The following TVP23A variants were observed in gnomAD, a reference collection of about 807,000 sequenced individuals.
TVP23A encodes Golgi apparatus membrane protein TVP23 homolog A.
Under a neutral mutation model 31.7 loss-of-function variants are expected in TVP23A, and 21 were observed. The ratio of observed to expected loss-of-function variants is 0.66; its 90% confidence interval spans 0.47 to 0.95. The LOEUF (loss-of-function observed/expected upper bound fraction) is 0.95. TVP23A is among the 40% of genes least tolerant of loss of function. The pLI is 0.00. For missense variants in TVP23A, 279 were observed against 255.6 expected, an observed-to-expected ratio of 1.09 and a Z score of -0.62; for synonymous variants, 104 against 96.0, an observed-to-expected ratio of 1.08 and a Z score of -0.49.
At chr16:10,759,642 G>A (rs146883550), downstream of TVP23A, among the ~76,000 whole-genome samples, 2,296 of 152,272 alleles carry the variant, frequency 0.015, 78 homozygotes, top group African/African-American at 0.052. This position sits in a 1 kb window ranked among gnomAD's most constrained non-coding sequence, Gnocchi z 4.7. Flanking sequence ...CAGGCGTGGT[G>A]GTGGGCACCT....
At chr16:10,778,024 T>C (rs563244243) in intron 2 of TVP23A, among the ~76,000 whole-genome samples, 38 of 149,176 alleles carry the variant, frequency 2.5e-4, no homozygotes, top group African/African-American at 8.9e-4. Flanking sequence ...AAAATAAAAA[T>C]AAAAATAAAA....
intron 2 of TVP23A, among the ~76,000 whole-genome samples, chr16:10,785,769 G>GT (rs939427517): frequency 1.3e-5 from 2 of 152,194 alleles, no homozygotes; most frequent in Non-Finnish European, 2.9e-5. Context: ...TCAGATCTAT[G>GT]TGATTGTACT....
Position 10,818,589 on chromosome 16 carries a change from A to G in TVP23A, c.-96T>C. 1 of 1,467,366 alleles carries G rather than the reference A, an allele frequency of 6.8e-7. No homozygotes were observed. The highest frequency in any genetic ancestry group is 1.3e-5 in the South Asian group (1 of 79,142). 90.9% of individuals were successfully genotyped at this position (1,467,366 alleles called of 1,614,324 possible). A position where few individuals can be genotyped will look rare whatever the true frequency, so the allele number is the denominator to read the frequency against. The stretch of plus-strand genomic sequence containing the variant: ...GGACGCCGGGCGGGCGGATGTAGGC[A>G]GCAGACGGTGGACGCTGAGGGTCGG... On this transcript the variant is annotated 5_prime_UTR_variant, in exon 1 of 8. Coordinates refer to ENST00000299866, the MANE Select transcript of TVP23A (RefSeq NM_001079512.4). The surrounding 1 kb of genome is among the most constrained non-coding windows in gnomAD (Gnocchi z 4.7).
At chr16:10,798,449 G>C (rs756548510) in intron 2 of TVP23A, among the ~76,000 whole-genome samples, 1 of 152,126 alleles carries the variant, frequency 6.6e-6, no homozygotes, top group African/African-American at 2.4e-5. Context: ...ATACCCATGC[G>C]TTTGTTCCTT....
intron 2 of TVP23A, among the ~76,000 whole-genome samples, chr16:10,809,847 G>A (rs780299534): frequency 2.0e-5 from 3 of 152,146 alleles, no homozygotes; most frequent in Non-Finnish European, 4.4e-5. Flanking sequence ...GGCTAAAACA[G>A]AGTTACCATG....
intron 2 of TVP23A, among the ~76,000 whole-genome samples, chr16:10,813,316 A>G (rs914908164): frequency 6.6e-6 from 1 of 152,220 alleles, no homozygotes; most frequent in Non-Finnish European, 1.5e-5. Flanking sequence ...GATGAACCCA[A>G]TGTCCCAGAC....
In TVP23A at chr16:10,790,307, C is replaced by CG. The variant is rs2033031306; in HGVS notation, c.90-15212dup. Among the ~76,000 whole-genome samples the CG allele has an allele frequency of 5.5e-5, 6 of 109,686 alleles. No homozygotes were observed. The South Asian group carries it at 1.8e-3, about 33-fold the overall frequency. 72.0% of individuals were successfully genotyped at this position (109,686 alleles called of 152,430 possible). ...TTTTTTTTTTTTTTTTTTTTTGAGA[C>CG]GGAGTCTCGCACTGTCGCCCAGGCT... On this transcript the variant is annotated intron_variant, in intron 2 of 7. Coordinates refer to ENST00000299866, the MANE Select transcript of TVP23A (RefSeq NM_001079512.4).
intron 2 of TVP23A, among the ~76,000 whole-genome samples, chr16:10,781,933 C>T (rs1322108072): frequency 7.2e-6 from 1 of 138,618 alleles, no homozygotes; most frequent in Non-Finnish European, 1.5e-5. Context: ...ATGATCTCGG[C>T]TCACTGCAGC....
Position 10,818,294 on chromosome 16 carries a change from TG to T in TVP23A, c.10-113del. On this transcript the variant is annotated intron_variant, in intron 1 of 7. Coordinates refer to ENST00000299866, the MANE Select transcript of TVP23A (RefSeq NM_001079512.4). This position sits in a 1 kb window ranked among gnomAD's most constrained non-coding sequence, Gnocchi z 4.7. ...ACTTGCACCCCACCGGGTTCCCAAG[TG>T]GACCCTCCGAGCTGGCGGGGCCCCT... 1 of 1,266,382 alleles carries T rather than the reference TG, an allele frequency of 7.9e-7. No individual in the cohort carries two copies. Among genetic ancestry groups the T allele is most frequent in the Non-Finnish European group, 1.1e-6 (1 of 911,726 alleles). The allele number at this position is 1,266,382 out of a possible 1,614,324, so 78.4% of individuals were successfully genotyped here. A position where few individuals can be genotyped will look rare whatever the true frequency, so the allele number is the denominator to read the frequency against.
intron 2 of TVP23A, among the ~76,000 whole-genome samples, chr16:10,796,893 G>A (rs1185645603): frequency 1.3e-5 from 2 of 152,118 alleles, no homozygotes; most frequent in African/African-American, 4.8e-5. Flanking sequence ...TGAGTATTGT[G>A]AATTATTTTA....
At chr16:10,764,120 C>G (rs1478713993), downstream of TVP23A, among the ~76,000 whole-genome samples, 1 of 152,042 alleles carries the variant, frequency 6.6e-6, no homozygotes, top group African/African-American at 2.4e-5. Context: ...GTATCTCAGC[C>G]CACGGGAGCA....
Position 10,770,353 on chromosome 16 carries a change from A to G in TVP23A, c.583-22T>C, listed in dbSNP as rs16957647. ...AGGCCTGCAAGGGGAAAAGTCAACC[A>G]TGGTTTTCTGTCCTTACACGCGAGT... is the stretch of plus-strand genomic sequence containing the variant. On this transcript the variant is annotated intron_variant, in intron 6 of 7. Coordinates refer to ENST00000299866, the MANE Select transcript of TVP23A (RefSeq NM_001079512.4). 2,327 of 1,550,128 alleles carry G rather than the reference A, an allele frequency of 1.5e-3. 33 individuals are homozygous for G. In the African/African-American group the frequency reaches 0.029, roughly 19 times the overall value.
intron 3 of TVP23A, 114 bp downstream of exon 3, chr16:10,774,838 T>C: frequency 1.1e-6 from 1 of 876,304 alleles, no homozygotes; most frequent in South Asian, 1.7e-5. Flanking sequence ...GTGACACTGC[T>C]CAGCACTCTT....
chr16:10,817,247 G>A (rs2034484809), intron 2 of TVP23A, among the ~76,000 whole-genome samples: 1 of 152,216 alleles, frequency 6.6e-6, no homozygotes, highest in Non-Finnish European at 1.5e-5. Flanking sequence ...GCGGCCATAG[G>A]AAACTAATAC....
chr16:10,816,006 G>C (rs1433047120), intron 2 of TVP23A, among the ~76,000 whole-genome samples: 4 of 152,116 alleles, frequency 2.6e-5, no homozygotes, highest in Non-Finnish European at 4.4e-5. Flanking sequence ...AAGAGTACTT[G>C]AGGCCGGAAG....
intron 2 of TVP23A, among the ~76,000 whole-genome samples, chr16:10,794,870 A>G (rs1414579029): frequency 6.6e-6 from 1 of 152,112 alleles, no homozygotes; most frequent in Admixed American, 6.6e-5. Flanking sequence ...ACTCACTCTC[A>G]GCCCAGGGTT....
At chr16:10,807,951 C>T (rs1346726161) in intron 2 of TVP23A, among the ~76,000 whole-genome samples, 1 of 152,108 alleles carries the variant, frequency 6.6e-6, no homozygotes, top group East Asian at 1.9e-4. Flanking sequence ...GGACTGAAGC[C>T]ATCCTCTCAC....
chr16:10,784,389 G>GA lies in TVP23A; in HGVS notation c.90-9294dup, dbSNP rs886378352. Among the ~76,000 whole-genome samples, 251 of 128,958 alleles carry GA rather than the reference G, an allele frequency of 1.9e-3. 1 individual carries two copies. The East Asian group carries it at 0.028, about 14-fold the overall frequency. The allele number at this position is 128,958 out of a possible 152,430, so 84.6% of individuals were successfully genotyped here. On this transcript the variant is annotated intron_variant, in intron 2 of 7. Coordinates refer to ENST00000299866, the MANE Select transcript of TVP23A (RefSeq NM_001079512.4). ...TAAAACCCAATCTCTACCAAAAAAA[G>GA]AAAAAAAAAAAAAGAAAGAAAATTA...
chr16:10,769,215 C>G (rs770683206), intron 7 of TVP23A, 114 bp from the exon 8 acceptor site: 23 of 910,294 alleles, frequency 2.5e-5, no homozygotes, highest in Non-Finnish European at 3.9e-5. Context: ...GCAAAAGGAC[C>G]AGATGCTGGT....
Sources: allele counts gnomAD v4.1 joint callset (sites outside exome capture counted in the v4.1 genomes callset), GRCh38; gene constraint gnomAD v4.1.1; non-coding constraint Gnocchi (gnomAD v3.1); transcripts MANE v1.5; gene names NCBI Gene and HGNC (gene_info 2026-07-23, HGNC 2026-07-21).